Variants in KIF24 observed in about 807,000 individuals in gnomAD.
The protein encoded by KIF24 is kinesin family member 24.
Under a neutral mutation model 118.9 loss-of-function variants are expected in KIF24, and 81 were observed. The ratio of observed to expected loss-of-function variants is 0.68; its 90% CI spans 0.57 to 0.82. KIF24 has a LOEUF of 0.82. Ranked by LOEUF, KIF24 falls within the 40% of genes least tolerant of loss-of-function variation. The probability of loss-of-function intolerance (pLI) is 0.00; values close to 1 mark genes in which losing one functional copy is unlikely to be tolerated. For synonymous variants in KIF24, 599 were observed against 610.0 expected (o/e 0.98, Z 0.27); for missense variants, 1,560 against 1,661.6 (o/e 0.94, Z 1.06).
intron 12 of KIF24, among the ~76,000 whole-genome samples, chr9:34,254,756 C>T (rs1265761157): frequency 1.3e-5 from 2 of 152,032 alleles, no homozygotes; most frequent in African/African-American, 2.4e-5. Flanking sequence ...GAAATACCTA[C>T]GTGTGGTAGG....
intron 4 of KIF24, among the ~76,000 whole-genome samples, chr9:34,294,694 TAACAAC>T (rs1836395988): frequency 6.6e-6 from 1 of 152,216 alleles, no homozygotes; most frequent in Non-Finnish European, 1.5e-5. Context: ...CAGATACGTG[TAACAAC>T]ATGTACTAAT....
chr9:34,296,264 C>T (rs980736538), intron 4 of KIF24, among the ~76,000 whole-genome samples: 5 of 144,326 alleles, frequency 3.5e-5, no homozygotes, highest in African/African-American at 1.3e-4. Flanking sequence ...TGGTGGCTCA[C>T]GCCTGTAATC....
At chr9:34,333,249 G>A (rs778328837), upstream of KIF24, among the ~76,000 whole-genome samples, 14 of 152,030 alleles carry the variant, frequency 9.2e-5, no homozygotes, top group Admixed American at 5.9e-4. Flanking sequence ...TAACATCTAC[G>A]GCCCTCTCCC....
intron 3 of KIF24, among the ~76,000 whole-genome samples, chr9:34,304,966 T>C (rs1339058242): frequency 6.6e-6 from 1 of 152,138 alleles, no homozygotes; most frequent in African/African-American, 2.4e-5. Context: ...ATAAATATAA[T>C]ATGAATGTTT....
At chr9:34,255,646 G>A in intron 11 of KIF24, 89 bp downstream of exon 11, 1 of 1,204,758 alleles carries the variant, frequency 8.3e-7, no homozygotes, top group Non-Finnish European at 1.2e-6. Context: ...ACCCCTGCAT[G>A]GCTTCTCTTT....
At chr9:34,285,229 C>T (rs1587938030) in intron 6 of KIF24, among the ~76,000 whole-genome samples, 1 of 152,132 alleles carries the variant, frequency 6.6e-6, no homozygotes. Context: ...TGGAAGGACA[C>T]ACAAAAAACT....
chr9:34,330,547 A>G (rs1440618976), upstream of KIF24, among the ~76,000 whole-genome samples: 2 of 152,286 alleles, frequency 1.3e-5, no homozygotes, highest in African/African-American at 2.4e-5. Context: ...TCTCTGAGCT[A>G]TAGTTCCCTT....
At chr9:34,254,575 G>C (rs1834746000) in intron 12 of KIF24, 55 bp from the exon 13 acceptor site, 2 of 1,568,710 alleles carry the variant, frequency 1.3e-6, no homozygotes, top group Non-Finnish European at 8.6e-7. Context: ...CGCTCTGCCA[G>C]ATCTGCTTTT....
chr9:34,322,540 T>G (rs1182842375), intron 1 of KIF24, among the ~76,000 whole-genome samples: 2 of 151,738 alleles, frequency 1.3e-5, no homozygotes, highest in African/African-American at 4.8e-5. Flanking sequence ...ACAAAGTCAC[T>G]GGGCCCGCTG....
rs1165545999 is a variant in KIF24 at position 34,262,661 on chromosome 9, AAAAAAAAAAAAAAAATATAT to A, written c.1515+420_1515+439del. On this transcript the variant is annotated intron_variant, in intron 9 of 12. Coordinates refer to ENST00000402558, the MANE Select transcript of KIF24 (RefSeq NM_194313.4). ...GTCTCTACCAAAAAAAAAAAAAAAA[AAAAAAAAAAAAAAAATATAT>A]ATATATATATATATATATATATATA... 2.4e-3 allele frequency among the ~76,000 whole-genome samples: 108 copies of A among 44,874 alleles called. 3 individuals are homozygous for A. Among genetic ancestry groups the A allele is most frequent in the Admixed American group, 4.5e-3 (12 of 2,688 alleles). The allele number at this position is 44,874 out of a possible 152,430, so 29.4% of individuals were successfully genotyped here. A position where few individuals can be genotyped will look rare whatever the true frequency, so the allele number is the denominator to read the frequency against.
chr9:34,319,059 TG>T, intron 1 of KIF24: 1 of 1,288,636 alleles, frequency 7.8e-7, no homozygotes, highest in Non-Finnish European at 1.1e-6. Flanking sequence ...CACAAGATGG[TG>T]GAAAACCGTG....
intron 3 of KIF24, among the ~76,000 whole-genome samples, chr9:34,301,557 T>A (rs988240271): frequency 6.6e-6 from 1 of 152,112 alleles, no homozygotes; most frequent in Non-Finnish European, 1.5e-5. Flanking sequence ...ATTATAAAAG[T>A]AACATGTGGG....
chr9:34,311,510 T>C, intron 1 of KIF24, 139 bp from the exon 2 acceptor site: 1 of 473,588 alleles, frequency 2.1e-6, no homozygotes, highest in Non-Finnish European at 3.7e-6. Flanking sequence ...ATAACATATT[T>C]TTCTTCTGAA....
chr9:34,262,659 AAAAAAAAAAAAAAAAAATATAT>A (rs1563936443), intron 9 of KIF24, among the ~76,000 whole-genome samples: 6 of 37,864 alleles, frequency 1.6e-4, no homozygotes, highest in Non-Finnish European at 2.6e-4. Flanking sequence ...AAAAAAAAAA[AAAAAAAAAAAAAAAAAATATAT>A]ATATATATAT....
chr9:34,321,680 C>T (rs1837530363), intron 1 of KIF24, among the ~76,000 whole-genome samples: 1 of 148,848 alleles, frequency 6.7e-6, no homozygotes, highest in Admixed American at 6.8e-5. Context: ...AATCACGGCT[C>T]ACTGTAGTCA....
intron 4 of KIF24, among the ~76,000 whole-genome samples, chr9:34,295,511 T>TA (rs1836432888): frequency 6.6e-6 from 1 of 151,930 alleles, no homozygotes; most frequent in South Asian, 2.1e-4. Flanking sequence ...ACCCCATCTC[T>TA]AAAAAAATAC....
At chr9:34,283,124 C>T (rs1049139522) in intron 6 of KIF24, among the ~76,000 whole-genome samples, 6 of 146,852 alleles carry the variant, frequency 4.1e-5, no homozygotes, top group African/African-American at 1.0e-4. Flanking sequence ...CCCAGCACTT[C>T]GGGAGGTCAA....
At chr9:34,269,166 C>T in intron 8 of KIF24, 91 bp downstream of exon 8, 2 of 705,470 alleles carry the variant, frequency 2.8e-6, no homozygotes, top group South Asian at 1.9e-5. Flanking sequence ...AGTTGCTTTG[C>T]TGATTCCATC....
chr9:34,295,011 C>T (rs114946134), intron 4 of KIF24, among the ~76,000 whole-genome samples: 2,314 of 152,182 alleles, frequency 0.015, 71 homozygotes, highest in African/African-American at 0.053. Flanking sequence ...GTAAATTATC[C>T]CTCAATTTTT....
Sources: allele counts gnomAD v4.1 joint callset (sites outside exome capture counted in the v4.1 genomes callset), GRCh38; gene constraint gnomAD v4.1.1; transcripts MANE v1.5; gene names NCBI Gene and HGNC (gene_info 2026-07-23, HGNC 2026-07-21).